The following CACNA2D1 variants were observed in gnomAD, a reference collection of about 807,000 sequenced individuals.
CACNA2D1 encodes the protein voltage-dependent calcium channel subunit alpha-2/delta-1.
In CACNA2D1, 53 loss-of-function variants were observed where a neutral mutation model predicts 171.5. The observed-to-expected ratio is 0.31, with a 90% CI of 0.25 to 0.39. CACNA2D1 has a LOEUF of 0.39. CACNA2D1 is among the 10% of genes least tolerant of loss of function. CACNA2D1 has a pLI of 1.00. For synonymous variants in CACNA2D1, 442 were observed against 443.1 expected, an observed-to-expected ratio of 1.00 and a Z score of 0.03; for missense variants, 903 against 1,299.8, an observed-to-expected ratio of 0.69 and a Z score of 4.69.
intron 3 of CACNA2D1, among the ~76,000 whole-genome samples, chr7:82,333,260 T>C (rs1019816941): frequency 2.6e-4 from 40 of 152,104 alleles, no homozygotes; most frequent in African/African-American, 8.7e-4. Flanking sequence ...ATCTAAAATT[T>C]AGATAAAAGG....
intron 10 of CACNA2D1, among the ~76,000 whole-genome samples, chr7:82,056,492 T>C (rs1805923407): frequency 6.6e-6 from 1 of 152,164 alleles, no homozygotes; most frequent in African/African-American, 2.4e-5. Flanking sequence ...CATCCAGCTC[T>C]GTATGTGTCA....
chr7:82,167,687 C>T (rs1795596664), intron 4 of CACNA2D1, among the ~76,000 whole-genome samples: 1 of 152,076 alleles, frequency 6.6e-6, no homozygotes, highest in African/African-American at 2.4e-5. Context: ...GTCCTGTCAA[C>T]ATCATTCACG....
At chr7:82,172,640 T>TTTTTTTTTC (rs1491222972) in intron 3 of CACNA2D1, among the ~76,000 whole-genome samples, 18 of 77,280 alleles carry the variant, frequency 2.3e-4, no homozygotes, top group African/African-American at 9.0e-4. Context: ...TTTTTTTTTT[T>TTTTTTTTTC]GGTAAAGATG....
intron 7 of CACNA2D1, among the ~76,000 whole-genome samples, chr7:82,068,601 C>A (rs1387503236): frequency 6.6e-6 from 1 of 151,934 alleles, no homozygotes; most frequent in Non-Finnish European, 1.5e-5. Context: ...AATAAATTTT[C>A]CTTGTTCAAA....
At chr7:82,357,821 C>A (rs1305870512) in intron 1 of CACNA2D1, among the ~76,000 whole-genome samples, 1 of 150,894 alleles carries the variant, frequency 6.6e-6, no homozygotes, top group Admixed American at 6.6e-5. Flanking sequence ...TGTAACAAAC[C>A]TGCACATTGT....
intron 6 of CACNA2D1, among the ~76,000 whole-genome samples, chr7:82,105,061 G>C (rs1341687536): frequency 6.6e-6 from 1 of 151,878 alleles, no homozygotes; most frequent in African/African-American, 2.4e-5. Context: ...CTAGAATTAA[G>C]TCCGATGAAA....
chr7:82,270,712 T>C (rs1214433311), intron 3 of CACNA2D1, among the ~76,000 whole-genome samples: 6 of 152,120 alleles, frequency 3.9e-5, no homozygotes, highest in Admixed American at 1.3e-4. Flanking sequence ...GCTCCTCTCT[T>C]CTATCCAAAT....
intron 10 of CACNA2D1, among the ~76,000 whole-genome samples, chr7:82,049,997 T>C (rs1320811511): frequency 6.6e-6 from 1 of 152,192 alleles, no homozygotes; most frequent in African/African-American, 2.4e-5. Flanking sequence ...TAAGTTCAAA[T>C]TGTGCAGCAA....
intron 1 of CACNA2D1, among the ~76,000 whole-genome samples, chr7:82,435,435 G>C (rs1342050585): frequency 6.6e-6 from 1 of 152,078 alleles, no homozygotes; most frequent in Non-Finnish European, 1.5e-5. Context: ...ACATCAACCT[G>C]CATTCCTCCT....
chr7:81,956,427 G>A (rs545365726), intron 38 of CACNA2D1, among the ~76,000 whole-genome samples: 76 of 151,994 alleles, frequency 5.0e-4, no homozygotes, highest in African/African-American at 1.8e-3. Context: ...GGGAAAATAA[G>A]GACAATTATA....
chr7:82,056,377 A>G (rs1164489570), intron 10 of CACNA2D1, among the ~76,000 whole-genome samples: 2 of 152,162 alleles, frequency 1.3e-5, no homozygotes, highest in Non-Finnish European at 2.9e-5. Context: ...GGTAGGCATG[A>G]AGCATAAAGA....
rs575728204 is a variant in CACNA2D1 at position 82,054,062 on chromosome 7, A to G, written c.879+6366T>C. Among the ~76,000 whole-genome samples, 4 of 152,300 alleles carry G rather than the reference A, an allele frequency of 2.6e-5. No individual in the cohort carries two copies. The South Asian group carries it at 6.2e-4, about 24-fold the overall frequency. ...TTCAAATAAATACACGTTTAACAAC[A>G]TATTTTTTTTAGGAAAATCAATGGC... On this transcript the variant is annotated intron_variant, in intron 10 of 38. Coordinates refer to ENST00000356860, the MANE Select transcript of CACNA2D1 (RefSeq NM_000722.4).
In CACNA2D1 at chr7:82,336,815, TA is replaced by T. The variant is rs988081596; in HGVS notation, c.178-1565del. Among the ~76,000 whole-genome samples the T allele has an allele frequency of 7.2e-5, 11 of 152,184 alleles. 1 individual carries two copies. The highest frequency in any genetic ancestry group is 3.9e-4 in the Admixed American group (6 of 15,270). On this transcript the variant is annotated intron_variant, in intron 2 of 38. Coordinates refer to ENST00000356860, the MANE Select transcript of CACNA2D1 (RefSeq NM_000722.4). ...ATCCAGGATATGTAGTTCTTTGCAG[TA>T]AAACCAATAGAGCTAATTGGTGTGA...
intron 10 of CACNA2D1, among the ~76,000 whole-genome samples, chr7:82,054,620 G>A (rs1805584923): frequency 6.6e-6 from 1 of 152,134 alleles, no homozygotes; most frequent in African/African-American, 2.4e-5. Flanking sequence ...CCTTGTCTCA[G>A]TGACTATTCT....
intron 4 of CACNA2D1, among the ~76,000 whole-genome samples, chr7:82,167,518 T>C (rs557752541): frequency 3.3e-5 from 5 of 152,198 alleles, no homozygotes; most frequent in Middle Eastern, 3.4e-3. Flanking sequence ...ATAGTCTTCA[T>C]TGAGGTTCTA....
At chr7:81,986,328 T>C (rs1253437944) in intron 21 of CACNA2D1, among the ~76,000 whole-genome samples, 1 of 152,152 alleles carries the variant, frequency 6.6e-6, no homozygotes, top group Admixed American at 6.5e-5. Context: ...ATCTATGCTT[T>C]TGAGTATTTC....
chr7:81,964,456 G>T, intron 32 of CACNA2D1, 97 bp from the exon 33 acceptor site: 9 of 925,014 alleles, frequency 9.7e-6, no homozygotes, highest in Non-Finnish European at 1.5e-5. Flanking sequence ...ATAATACAAA[G>T]AAACTGAACT....
intron 24 of CACNA2D1, among the ~76,000 whole-genome samples, chr7:81,975,027 T>TA (rs59316260): frequency 8.1e-5 from 12 of 148,596 alleles, no homozygotes; most frequent in African/African-American, 2.5e-4. Flanking sequence ...GAACTTAAAA[T>TA]AAAAAAAAAA....
chr7:82,125,362 A>AATT (rs1272062790), intron 5 of CACNA2D1, among the ~76,000 whole-genome samples: 2 of 152,170 alleles, frequency 1.3e-5, no homozygotes, highest in African/African-American at 2.4e-5. Flanking sequence ...AGAAAATAGC[A>AATT]CAGTTTGCTG....
Sources: gnomAD v4.1 joint callset for allele counts (sites outside exome capture counted in the v4.1 genomes callset) on GRCh38, gnomAD v4.1.1 for gene constraint, MANE v1.5 for transcripts, NCBI Gene and HGNC (gene_info 2026-07-23, HGNC 2026-07-21) for gene names.